Variants in AMPH observed in about 807,000 individuals in gnomAD.
AMPH encodes amphiphysin.
AMPH carries 49 observed loss-of-function variants against 99.1 expected under a neutral mutation model. That is an observed-to-expected ratio of 0.49 (90% CI 0.39 to 0.63). AMPH has a LOEUF of 0.63. Ranked by LOEUF, AMPH falls within the 20% of genes least tolerant of loss-of-function variation. The probability of loss-of-function intolerance (pLI) is 0.00; values close to 1 mark genes in which losing one functional copy is unlikely to be tolerated. For missense variants in AMPH, 759 were observed against 863.4 expected (o/e 0.88, Z 1.52); for synonymous variants, 314 against 317.3 (o/e 0.99, Z 0.11).
intron 1 of AMPH, among the ~76,000 whole-genome samples, chr7:38,543,413 A>T (rs1164836991): frequency 6.6e-6 from 1 of 152,212 alleles, no homozygotes; most frequent in Non-Finnish European, 1.5e-5. Context: ...GATGATGGGT[A>T]TGAAACAGAT....
intron 1 of AMPH, among the ~76,000 whole-genome samples, chr7:38,619,267 T>C (rs1793974473): frequency 6.6e-6 from 1 of 152,122 alleles, no homozygotes; most frequent in Non-Finnish European, 1.5e-5. Context: ...CCGTATCAGA[T>C]AAAAATGGAC....
intron 3 of AMPH, among the ~76,000 whole-genome samples, chr7:38,499,331 T>A (rs1484690818): frequency 1.3e-5 from 2 of 152,134 alleles, no homozygotes; most frequent in African/African-American, 4.8e-5. Context: ...AATGCAAGCA[T>A]AAGATCTGCC....
At chr7:38,433,530 C>A (rs1786123070) in intron 12 of AMPH, among the ~76,000 whole-genome samples, 1 of 150,962 alleles carries the variant, frequency 6.6e-6, no homozygotes, top group African/African-American at 2.4e-5. Context: ...TCGAGACCAT[C>A]CCGGCTAAAA....
intron 1 of AMPH, among the ~76,000 whole-genome samples, chr7:38,600,379 A>C (rs1584291161): frequency 6.6e-6 from 1 of 152,280 alleles, no homozygotes; most frequent in East Asian, 1.9e-4. Flanking sequence ...AATAGTATTT[A>C]ATGGTGGAAT....
chr7:38,544,371 G>A (rs1021558787), intron 1 of AMPH, among the ~76,000 whole-genome samples: 1 of 152,174 alleles, frequency 6.6e-6, no homozygotes, highest in Non-Finnish European at 1.5e-5. Flanking sequence ...AGAATATTAT[G>A]GATCAGGCCA....
At chr7:38,619,487 A>G (rs557071962) in intron 1 of AMPH, among the ~76,000 whole-genome samples, 1 of 152,352 alleles carries the variant, frequency 6.6e-6, no homozygotes, top group South Asian at 2.1e-4. Context: ...TAATGGATAG[A>G]ACATCTAGAT....
At chr7:38,388,055 C>T (rs1030225036) in intron 20 of AMPH, among the ~76,000 whole-genome samples, 1 of 151,982 alleles carries the variant, frequency 6.6e-6, no homozygotes, top group Non-Finnish European at 1.5e-5. Flanking sequence ...TTCAGATATA[C>T]AGAAGCCAAG....
intron 1 of AMPH, among the ~76,000 whole-genome samples, chr7:38,572,413 C>T (rs1362625805): frequency 6.6e-6 from 1 of 152,148 alleles, no homozygotes; most frequent in Admixed American, 6.5e-5. Flanking sequence ...AAGTACAATC[C>T]ATGATGCTCA....
At chr7:38,593,052 T>A (rs1487436675) in intron 1 of AMPH, among the ~76,000 whole-genome samples, 2 of 152,204 alleles carry the variant, frequency 1.3e-5, no homozygotes, top group Non-Finnish European at 2.9e-5. Flanking sequence ...TTAAAGTTAT[T>A]CAAGTAGTAA....
intron 1 of AMPH, among the ~76,000 whole-genome samples, chr7:38,600,405 G>C (rs953160096): frequency 1.3e-5 from 2 of 151,944 alleles, no homozygotes; most frequent in Non-Finnish European, 2.9e-5. Context: ...TCATATTCCC[G>C]ATTTTTAAAT....
rs1373370384 is a variant in AMPH, at chr7:38,389,809, C to A, written c.1975G>T (p.Asp659Tyr). The change falls in exon 20 of 21, where the codon GAT becomes TAT. Residue 659 changes from aspartate (D) to tyrosine (Y), a missense_variant. By Grantham distance (160) the Asp-to-Tyr change is radical. This residue lies in a region of AMPH where 554 missense variants were observed against 575.6 expected (regional missense o/e 0.96). Transcript: ENST00000356264. ...VLVVPSDSEADQDAGWLVGVK... is the reference protein window; with the variant it reads ...VLVVPSDSEAYQDAGWLVGVK... ...CTTCCTATCTTTTCTTTTACCTGAT[C>A]AGCTTCTGAATCTGAGGGGACCACC... 6.2e-7 allele frequency: 1 copy of A among 1,613,112 alleles called. No homozygotes were observed. Among genetic ancestry groups the A allele is most frequent in the Non-Finnish European group, 8.5e-7 (1 of 1,179,266 alleles).
In AMPH at chr7:38,466,144, C is replaced by T. The variant is rs1328034886; in HGVS notation, c.666+29G>A. 3.2e-6 allele frequency: 5 copies of T among 1,560,436 alleles called. No individual in the cohort carries two copies. In the African/African-American group the frequency reaches 4.1e-5, roughly 13 times the overall value. Reference sequence around the variant, plus strand: ...ATAAACCTTCCTTTACTTTATATTCCATATGCAAAAATTATCGTCATGACT... The same window carrying T: ...ATAAACCTTCCTTTACTTTATATTCTATATGCAAAAATTATCGTCATGACT... On this transcript the variant is annotated intron_variant, in intron 8 of 20. Transcript: ENST00000356264.
At chr7:38,624,546 TAA>T (rs57099272) in intron 1 of AMPH, among the ~76,000 whole-genome samples, 105 of 130,216 alleles carry the variant, frequency 8.1e-4, no homozygotes, top group South Asian at 3.6e-3. Flanking sequence ...ACAGTCATGG[TAA>T]AAAAAAAAAA....
chr7:38,580,728 C>T (rs1792422225), intron 1 of AMPH, among the ~76,000 whole-genome samples: 1 of 151,868 alleles, frequency 6.6e-6, no homozygotes. Context: ...TCTGAGAAGT[C>T]AGGAATAGTT....
chr7:38,555,102 A>G (rs982095909), intron 1 of AMPH, among the ~76,000 whole-genome samples: 7 of 152,224 alleles, frequency 4.6e-5, no homozygotes, highest in African/African-American at 1.7e-4. Context: ...TTTGAGGTCC[A>G]CAGTCCCATG....
chr7:38,613,541 T>C (rs1295792806), intron 1 of AMPH, among the ~76,000 whole-genome samples: 1 of 152,202 alleles, frequency 6.6e-6, no homozygotes, highest in East Asian at 1.9e-4. Flanking sequence ...AAGCACCTGC[T>C]CATTATCCGC....
At chr7:38,424,520 A>G (rs1785711591) in intron 15 of AMPH, among the ~76,000 whole-genome samples, 1 of 152,160 alleles carries the variant, frequency 6.6e-6, no homozygotes, top group Non-Finnish European at 1.5e-5. Flanking sequence ...ACCTGTTAGA[A>G]TAGTTGGCAG....
intron 2 of AMPH, among the ~76,000 whole-genome samples, 162 bp from the exon 3 acceptor site, chr7:38,503,866 T>C (rs557823807): frequency 6.6e-6 from 1 of 152,340 alleles, no homozygotes; most frequent in Admixed American, 6.5e-5. Context: ...TCCATCAGTC[T>C]AGATATTTAT....
At chr7:38,505,089 T>C (rs1789273904) in intron 2 of AMPH, among the ~76,000 whole-genome samples, 1 of 152,092 alleles carries the variant, frequency 6.6e-6, no homozygotes, top group Admixed American at 6.6e-5. Flanking sequence ...ACAAAACAAT[T>C]GCACTGCAAG....
Sources: allele counts gnomAD v4.1 joint callset (sites outside exome capture counted in the v4.1 genomes callset), GRCh38; gene constraint gnomAD v4.1.1; regional missense constraint gnomAD v4.1.1; transcripts MANE v1.5; gene names NCBI Gene and HGNC (gene_info 2026-07-23, HGNC 2026-07-21).